SVOPL: variants seen among roughly 807,000 people sequenced by gnomAD.
SVOPL encodes putative transporter SVOPL.
In SVOPL, 60 loss-of-function variants were observed where a neutral mutation model predicts 61.0. That is an observed-to-expected ratio of 0.98 (90% confidence interval 0.80 to 1.22). The LOEUF is 1.22. SVOPL is among the 50% of genes most tolerant of loss of function. The pLI is 0.00. For synonymous variants in SVOPL, 279 were observed against 250.0 expected (o/e 1.12, Z -1.09); for missense variants, 662 against 643.9 (o/e 1.03, Z -0.30).
rs151305016 is a variant in SVOPL, at chr7:138,635,910, T to C, written c.790-5788A>G. On this transcript the variant is annotated intron_variant, in intron 9 of 15. Transcript: ENST00000674285. ...TAAGTGAGCCACACAACATAGAAAA[T>C]AAAAGTGATGAATCTGATAGAAAAA... Among the ~76,000 whole-genome samples, 173 of 151,980 alleles carry C rather than the reference T, an allele frequency of 1.1e-3. 2 individuals are homozygous for C. The highest frequency in any genetic ancestry group is 3.5e-3 in the African/African-American group (144 of 41,458).
At chr7:138,597,992 G>A (rs1166023495) in intron 14 of SVOPL, among the ~76,000 whole-genome samples, 3 of 152,098 alleles carry the variant, frequency 2.0e-5, no homozygotes, top group Non-Finnish European at 4.4e-5. Flanking sequence ...CTTCCCTGAA[G>A]CTTCGTAACA....
chr7:138,607,745 T>C (rs1798819227), intron 14 of SVOPL, among the ~76,000 whole-genome samples: 1 of 152,132 alleles, frequency 6.6e-6, no homozygotes, highest in South Asian at 2.1e-4. Flanking sequence ...GTGAACAAGG[T>C]TGATTTTACA....
chr7:138,650,886 T>C (rs1001052712), intron 7 of SVOPL, among the ~76,000 whole-genome samples: 1 of 145,286 alleles, frequency 6.9e-6, no homozygotes, highest in African/African-American at 2.6e-5. Context: ...TACTGCTTTA[T>C]TTATTGCCAA....
chr7:138,622,793 A>G (rs982029492), intron 13 of SVOPL, among the ~76,000 whole-genome samples: 3 of 152,156 alleles, frequency 2.0e-5, no homozygotes. Flanking sequence ...ACTTTTTGAT[A>G]TTTATAGTAA....
chr7:138,680,232 C>T (rs987698069), intron 1 of SVOPL, among the ~76,000 whole-genome samples: 7 of 150,066 alleles, frequency 4.7e-5, no homozygotes, highest in Middle Eastern at 3.2e-3. Context: ...TGCAGTGGCA[C>T]GATCTCGGCT....
intron 9 of SVOPL, among the ~76,000 whole-genome samples, chr7:138,632,735 G>A (rs548816886): frequency 1.3e-5 from 2 of 151,358 alleles, no homozygotes; most frequent in East Asian, 2.0e-4. Flanking sequence ...GAGGATGGGG[G>A]CGGGAGGAAA....
chr7:138,648,991 G>A, intron 8 of SVOPL, 21 bp downstream of exon 8: 1 of 1,613,478 alleles, frequency 6.2e-7, no homozygotes, highest in Non-Finnish European at 8.5e-7. Context: ...GGACAGGAAG[G>A]AGCCACAAGT....
At chr7:138,664,011 C>T (rs1278372988) in intron 4 of SVOPL, among the ~76,000 whole-genome samples, 1 of 152,098 alleles carries the variant, frequency 6.6e-6, no homozygotes, top group Non-Finnish European at 1.5e-5. Context: ...ACGACAAAAG[C>T]CACGACTGGG....
rs750442240 is a variant in SVOPL, at chr7:138,656,502, T to A, written c.480A>T (p.Ile160=). The change falls in exon 7 of 16, where the codon ATA becomes ATT. Residue 160 remains isoleucine (I), a synonymous_variant. Transcript: ENST00000674285. ...GVSGHSQGLI[I]KTEFLPTKYR... ...ATTTCGTGGGCAAAAATTCAGTCTTTATGATTAACCTAAACAGGAAGCAGG... is the reference window on the plus strand; with the variant it reads ...ATTTCGTGGGCAAAAATTCAGTCTTAATGATTAACCTAAACAGGAAGCAGG... 1.2e-5 allele frequency: 19 copies of A among 1,613,940 alleles called. No individual in the cohort carries two copies. Among genetic ancestry groups the A allele is most frequent in the Non-Finnish European group, 1.4e-5 (17 of 1,180,008 alleles).
At chr7:138,662,773 A>G (rs916234776) in intron 5 of SVOPL, 15 of 1,180,448 alleles carry the variant, frequency 1.3e-5, no homozygotes, top group Middle Eastern at 3.6e-4. Context: ...AAGTTCAAAT[A>G]GAGCCACTTA....
chr7:138,629,153 GTA>G (rs1554459929), intron 10 of SVOPL, among the ~76,000 whole-genome samples: 5 of 147,278 alleles, frequency 3.4e-5, no homozygotes, highest in Non-Finnish European at 5.9e-5. Flanking sequence ...GTGTGTGTGT[GTA>G]TATATGTATA....
At chr7:138,695,636 G>A (rs1022282789) in intron 1 of SVOPL, among the ~76,000 whole-genome samples, 2 of 152,046 alleles carry the variant, frequency 1.3e-5, no homozygotes, top group Non-Finnish European at 2.9e-5. Context: ...GCTTCTGTAG[G>A]GAAGTCTAAA....
In SVOPL at chr7:138,670,642, C is replaced by T. The variant is rs749702014; in HGVS notation, c.273+1377G>A. On this transcript the variant is annotated intron_variant, in intron 4 of 15. Transcript: ENST00000674285. ...AACTATCTTTAAAAAATGCTTGCCT[C>T]CAAATTTTCAGGGAGGCTGATACAA... Among the ~76,000 whole-genome samples, 13 of 152,176 alleles carry T rather than the reference C, an allele frequency of 8.5e-5. 1 individual carries two copies. Among genetic ancestry groups the T allele is most frequent in the Non-Finnish European group, 1.8e-4 (12 of 68,038 alleles).
At chr7:138,618,469 G>A (rs1284978862) in intron 14 of SVOPL, among the ~76,000 whole-genome samples, 1 of 152,078 alleles carries the variant, frequency 6.6e-6, no homozygotes, top group Non-Finnish European at 1.5e-5. Context: ...AGACCAGCCT[G>A]GCCAACATCG....
intron 3 of SVOPL, 124 bp downstream of exon 3, chr7:138,678,310 G>C (rs60616686): frequency 1.0e-6 from 1 of 981,304 alleles, no homozygotes; most frequent in African/African-American, 1.7e-5. Context: ...TTGGGCACAC[G>C]TTCTCAGGAC....
At chr7:138,619,051 A>G (rs758916239) in intron 14 of SVOPL, among the ~76,000 whole-genome samples, 1 of 152,156 alleles carries the variant, frequency 6.6e-6, no homozygotes, top group Non-Finnish European at 1.5e-5. Context: ...CAAGAACTCA[A>G]TTCCTAATGA....
intron 1 of SVOPL, among the ~76,000 whole-genome samples, chr7:138,684,297 G>A (rs1372471902): frequency 3.3e-5 from 5 of 151,114 alleles, no homozygotes; most frequent in South Asian, 2.1e-4. Flanking sequence ...CCTGGGAGGC[G>A]GAGCTTGCAG....
intron 14 of SVOPL, among the ~76,000 whole-genome samples, chr7:138,609,221 C>G (rs995559799): frequency 6.6e-6 from 1 of 152,150 alleles, no homozygotes; most frequent in East Asian, 1.9e-4. Context: ...CAACAAGGCT[C>G]TCAGGCACTG....
chr7:138,700,811 C>T (rs1299380779), intron 1 of SVOPL, among the ~76,000 whole-genome samples: 1 of 152,106 alleles, frequency 6.6e-6, no homozygotes, highest in African/African-American at 2.4e-5. Flanking sequence ...TAAAAAGCTA[C>T]AATGGGAAAG....
Sources: allele counts gnomAD v4.1 joint callset (sites outside exome capture counted in the v4.1 genomes callset), GRCh38; gene constraint gnomAD v4.1.1; transcripts MANE v1.5; gene names NCBI Gene and HGNC (gene_info 2026-07-23, HGNC 2026-07-21).